The following FOCAD variants were observed in gnomAD, a reference collection of about 807,000 sequenced individuals.
The protein encoded by FOCAD is focadhesin, also known as KIAA1797.
FOCAD carries 198 observed loss-of-function variants against 225.6 expected under a neutral mutation model. The observed-to-expected ratio is 0.88, with a 90% CI of 0.78 to 0.99. The LOEUF is 0.99. Ranked by LOEUF, FOCAD falls within the 50% of genes least tolerant of loss-of-function variation. The pLI is 0.00. For synonymous variants in FOCAD, 897 were observed against 755.0 expected (o/e 1.19, Z -3.08); for missense variants, 2,713 against 2,123.6 (o/e 1.28, Z -5.46).
chr9:20,717,098 A>G (rs1024783613), intron 2 of FOCAD, among the ~76,000 whole-genome samples: 2 of 152,212 alleles, frequency 1.3e-5, no homozygotes, highest in Non-Finnish European at 2.9e-5. Context: ...ACTAAACTTA[A>G]TATTCATGTA....
chr9:20,850,100 A>G (rs1281382891), intron 15 of FOCAD, among the ~76,000 whole-genome samples: 1 of 151,782 alleles, frequency 6.6e-6, no homozygotes, highest in African/African-American at 2.4e-5. Flanking sequence ...CATAACAATG[A>G]TGCAACTCAA....
At chr9:20,693,496 T>C (rs1823101942) in intron 1 of FOCAD, among the ~76,000 whole-genome samples, 1 of 152,230 alleles carries the variant, frequency 6.6e-6, no homozygotes, top group South Asian at 2.1e-4. Context: ...GAATGTAATC[T>C]ATAAGGGCAG....
In FOCAD at chr9:20,901,247, A is replaced by G. The variant is rs1832539200; in HGVS notation, c.2626-5903A>G. On this transcript the variant is annotated intron_variant, in intron 21 of 43. Coordinates refer to ENST00000338382, the MANE Select transcript of FOCAD (RefSeq NM_001375567.1). Reference sequence around the variant, plus strand: ...GTGTGTGTGTGTCTCATAAAGCTAAATGTAGTGGTTCAGTATGCATATGTG... The same window carrying G: ...GTGTGTGTGTGTCTCATAAAGCTAAGTGTAGTGGTTCAGTATGCATATGTG... Among the ~76,000 whole-genome samples, 3 of 149,922 alleles carry G rather than the reference A, an allele frequency of 2.0e-5. No homozygotes were observed. The South Asian group carries it at 6.3e-4, about 31-fold the overall frequency.
chr9:20,763,403 C>T (rs1211528047), intron 6 of FOCAD, among the ~76,000 whole-genome samples: 1 of 152,112 alleles, frequency 6.6e-6, no homozygotes, highest in Non-Finnish European at 1.5e-5. Context: ...CTGAAGTGCA[C>T]TATTATTGTG....
chr9:20,962,434 A>ACATACATACATG (rs1838835395), intron 35 of FOCAD, among the ~76,000 whole-genome samples: 1 of 151,976 alleles, frequency 6.6e-6, no homozygotes, highest in Non-Finnish European at 1.5e-5. Context: ...ATACATACAT[A>ACATACATACATG]CATACATACA....
intron 11 of FOCAD, among the ~76,000 whole-genome samples, chr9:20,792,158 T>C (rs953049498): frequency 2.6e-5 from 4 of 152,180 alleles, no homozygotes; most frequent in African/African-American, 9.7e-5. Context: ...TTGTTTGTGG[T>C]TTTAAGACCT....
intron 2 of FOCAD, among the ~76,000 whole-genome samples, chr9:20,662,341 T>A (rs549965037): frequency 1.3e-5 from 2 of 152,236 alleles, no homozygotes; most frequent in South Asian, 2.1e-4. Flanking sequence ...AGCTGTCAGC[T>A]CCTTTAGGGT....
At chr9:20,964,695 C>T (rs988063455) in intron 35 of FOCAD, among the ~76,000 whole-genome samples, 6 of 152,070 alleles carry the variant, frequency 3.9e-5, no homozygotes, top group African/African-American at 1.4e-4. Context: ...GCCACCACGC[C>T]CAGCTAATTT....
intron 19 of FOCAD, among the ~76,000 whole-genome samples, chr9:20,881,533 A>T (rs1273612941): frequency 1.3e-5 from 2 of 152,198 alleles, no homozygotes; most frequent in East Asian, 3.8e-4. Flanking sequence ...ATTAGTTTGT[A>T]TGAGGAGGAC....
intron 15 of FOCAD, among the ~76,000 whole-genome samples, chr9:20,845,449 A>ATATATATATATAT (rs1826995827): frequency 1.4e-5 from 2 of 146,934 alleles, no homozygotes; most frequent in African/African-American, 5.0e-5. Context: ...CTCGATATAT[A>ATATATATATATAT]TATATATATA....
chr9:20,778,504 G>A (rs1587129054), intron 8 of FOCAD, among the ~76,000 whole-genome samples, 177 bp from the exon 9 acceptor site: 1 of 152,218 alleles, frequency 6.6e-6, no homozygotes, highest in African/African-American at 2.4e-5. Context: ...ACAGGCGTGA[G>A]CTGCCACGCC....
chr9:20,675,927 C>T (rs1280130059), intron 2 of FOCAD, among the ~76,000 whole-genome samples: 1 of 152,182 alleles, frequency 6.6e-6, no homozygotes, highest in Non-Finnish European at 1.5e-5. Context: ...TTTAAAGTCA[C>T]TGAAGAATTA....
chr9:20,778,800 G>A, intron 9 of FOCAD, 32 bp downstream of exon 9: 2 of 1,279,960 alleles, frequency 1.6e-6, no homozygotes, highest in Non-Finnish European at 2.3e-6. Flanking sequence ...AGAGTAAAAT[G>A]TAAATATAAC....
intron 4 of FOCAD, among the ~76,000 whole-genome samples, chr9:20,730,905 G>C (rs1826630656): frequency 1.3e-5 from 2 of 151,822 alleles, no homozygotes; most frequent in African/African-American, 2.4e-5. Flanking sequence ...ATTAAGATAA[G>C]TTAAATGAAA....
Position 20,850,540 on chromosome 9 carries a change from T to C in FOCAD, c.1921-12038T>C, listed in dbSNP as rs200867736. Among the ~76,000 whole-genome samples the C allele has an allele frequency of 3.9e-5, 6 of 151,980 alleles. No individual in the cohort carries two copies. In the East Asian group the frequency reaches 9.7e-4, roughly 24 times the overall value. On this transcript the variant is annotated intron_variant, in intron 15 of 43. Coordinates refer to ENST00000338382, the MANE Select transcript of FOCAD (RefSeq NM_001375567.1). ...TTTTAAAATGGAAGTATTTACCATA[T>C]GTTAGAAAATAAATCTTTTGCAGTC...
chr9:20,823,009 A>C lies in FOCAD; in HGVS notation c.1814A>C (p.Asp605Ala), dbSNP rs752451699. 5.0e-6 allele frequency: 8 copies of C among 1,605,410 alleles called. No individual in the cohort carries two copies. In the Middle Eastern group the frequency reaches 6.6e-4, roughly 133 times the overall value. ...CKQRPYQHGA[D>A]MLAAISQVLN... is the part of the protein sequence containing the mutation. ...TGTAGGCCATATCAACATGGTGCAG[A>C]TATGTTGGCAGCTATTTCTCAAGTG... is the stretch of plus-strand genomic sequence containing the variant. Residue 605 changes from aspartate to alanine, a missense_variant, in exon 15 of 44, where the codon GAT (aspartate) becomes GCT (alanine). Coordinates refer to ENST00000338382, the MANE Select transcript of FOCAD (RefSeq NM_001375567.1).
chr9:20,661,177 G>A (rs1170325770), intron 2 of FOCAD, among the ~76,000 whole-genome samples: 1 of 152,166 alleles, frequency 6.6e-6, no homozygotes, highest in African/African-American at 2.4e-5. Flanking sequence ...TGAGAAGTAC[G>A]GAAGCAAAGT....
chr9:20,703,838 T>A (rs538045459), intron 1 of FOCAD, among the ~76,000 whole-genome samples: 8 of 152,356 alleles, frequency 5.3e-5, no homozygotes, highest in African/African-American at 1.9e-4. Flanking sequence ...TATATTGTTA[T>A]GCACAAGACC....
At position 20,862,658 on chromosome 9, in the gene FOCAD, G is replaced by A; in HGVS notation, c.2001G>A (p.Leu667=). The A allele has an allele frequency of 6.2e-7, 1 of 1,613,514 alleles. No homozygotes were observed. Among genetic ancestry groups the A allele is most frequent in the Non-Finnish European group, 8.5e-7 (1 of 1,179,624 alleles). ...CAAGACCTCTCATTCTGAAGACACT[G>A]AGTGAACTATTTTCTCTAGTTCCTT... ...CDTRPLILKT[L]SELFSLVPSL... The change falls in exon 16 of 44, where the codon CTG becomes CTA. Residue 667 remains leucine (L), a synonymous_variant. Coordinates refer to ENST00000338382, the MANE Select transcript of FOCAD (RefSeq NM_001375567.1).
Sources: gnomAD v4.1 joint callset for allele counts (sites outside exome capture counted in the v4.1 genomes callset) on GRCh38, gnomAD v4.1.1 for gene constraint, MANE v1.5 for transcripts, NCBI Gene and HGNC (gene_info 2026-07-23, HGNC 2026-07-21) for gene names.